HTR3A: variants seen among roughly 807,000 people sequenced by gnomAD.
HTR3A encodes the protein 5-hydroxytryptamine (serotonin) receptor 3A, ionotropic.
HTR3A carries 45 observed loss-of-function variants against 54.8 expected under a neutral mutation model. The ratio of observed to expected loss-of-function variants is 0.82; its 90% CI spans 0.65 to 1.05. The LOEUF (loss-of-function observed/expected upper bound fraction) is 1.05, where lower values mean the gene tolerates loss of function less well. Ranked by LOEUF, HTR3A falls within the 50% of genes least tolerant of loss-of-function variation. HTR3A has a pLI of 0.00. For synonymous variants in HTR3A, 297 were observed against 256.0 expected (o/e 1.16, Z -1.53); for missense variants, 657 against 614.0 (o/e 1.07, Z -0.74).
At chr11:113,980,476 G>A (rs1950408181) in intron 3 of HTR3A, among the ~76,000 whole-genome samples, 1 of 152,236 alleles carries the variant, frequency 6.6e-6, no homozygotes, top group African/African-American at 2.4e-5. Context: ...ACAATGTCCT[G>A]GAGAAGGGAA....
chr11:113,983,361 TC>T (rs1950447786), intron 5 of HTR3A, 72 bp downstream of exon 5: 3 of 1,548,238 alleles, frequency 1.9e-6, no homozygotes, highest in Non-Finnish European at 1.8e-6. Context: ...CGAGGAGTGC[TC>T]CCCAGGGCGC....
In HTR3A at chr11:113,989,509, G is replaced by A. The variant is rs765687656; in HGVS notation, c.1183G>A (p.Glu395Lys). The A allele has an allele frequency of 1.2e-5, 20 of 1,614,104 alleles. No individual in the cohort carries two copies. The highest frequency in any genetic ancestry group is 1.2e-4 in the Admixed American group (7 of 60,020). ...CSHMGGPQDF[E>K]KSPRDRCSPP... ...CCACATGGGAGGACCCCAGGACTTC[G>A]AGAAGAGCCCGAGGGACAGATGTAG... The change falls in exon 9 of 9, where the codon GAG (glutamate) becomes AAG (lysine). Residue 395 changes from glutamate (E) to lysine (K), a missense_variant. Glu to Lys is a moderately conservative substitution (Grantham distance 56, BLOSUM62 1). Transcript: ENST00000504030. This position sits in a 1 kb window ranked among gnomAD's most constrained non-coding sequence, Gnocchi z 4.4.
intron 5 of HTR3A, among the ~76,000 whole-genome samples, chr11:113,984,743 C>T (rs1263372416): frequency 2.0e-5 from 3 of 152,232 alleles, no homozygotes; most frequent in East Asian, 3.9e-4. Context: ...ATGGTGAAAC[C>T]CCGTCTCTAT....
chr11:113,988,583 G>A lies in HTR3A; in HGVS notation c.1139-882G>A, dbSNP rs145240942. Among the ~76,000 whole-genome samples, 221 of 152,250 alleles carry A rather than the reference G, an allele frequency of 1.5e-3. 1 individual carries two copies. The highest frequency in any genetic ancestry group is 4.7e-3 in the Admixed American group (72 of 15,292). On this transcript the variant is annotated intron_variant, in intron 8 of 8. Coordinates refer to ENST00000504030, the MANE Select transcript of HTR3A (RefSeq NM_000869.6). ...GTTCGAGACCAGCCTGACTAACATGGTGAAACCCCATCTCTACTAAAATTA... is the reference window on the plus strand; with the variant it reads ...GTTCGAGACCAGCCTGACTAACATGATGAAACCCCATCTCTACTAAAATTA...
In HTR3A at chr11:113,986,122, T is replaced by C. The variant is rs1457638472; in HGVS notation, c.652T>C (p.Phe218Leu). The C allele has an allele frequency of 1.2e-6, 2 of 1,614,070 alleles. No homozygotes were observed. The highest frequency in any genetic ancestry group is 1.3e-5 in the African/African-American group (1 of 74,932). The change falls in exon 6 of 9, where the codon TTT (phenylalanine) becomes CTT (leucine). Residue 218 changes from phenylalanine (F) to leucine (L), a missense_variant. Physicochemically the swap from Phe to Leu is conservative, Grantham distance 22. Coordinates refer to ENST00000504030, the MANE Select transcript of HTR3A (RefSeq NM_000869.6). ...EWELLGVLPYFREFSMESSNY... is the reference protein window; with the variant it reads ...EWELLGVLPYLREFSMESSNY... ...GGAGTTGCTGGGGGTGCTGCCCTACTTTCGGGAGTTCAGCATGGAAAGCAG... is the reference window on the plus strand; with the variant it reads ...GGAGTTGCTGGGGGTGCTGCCCTACCTTCGGGAGTTCAGCATGGAAAGCAG...
chr11:113,982,991 C>T lies in HTR3A; in HGVS notation c.375-129C>T, dbSNP rs900678852. The T allele has an allele frequency of 2.8e-6, 3 of 1,063,222 alleles. No individual in the cohort carries two copies. In the African/African-American group the frequency reaches 4.7e-5, roughly 17 times the overall value. The allele number at this position is 1,063,222 out of a possible 1,614,324, so 65.9% of individuals were successfully genotyped here. A position where few individuals can be genotyped will look rare whatever the true frequency, so the allele number is the denominator to read the frequency against. On this transcript the variant is annotated intron_variant, in intron 4 of 8. Coordinates refer to ENST00000504030, the MANE Select transcript of HTR3A (RefSeq NM_000869.6). The stretch of plus-strand genomic sequence containing the variant: ...TTGGAAAAACCGAGGCCAGGCAAAA[C>T]ATCCAGGTTATCCGGCTGCCTATAC...
chr11:113,990,011 A>C lies in HTR3A; in HGVS notation c.*248A>C, dbSNP rs775554039. On this transcript the variant is annotated 3_prime_UTR_variant, in exon 9 of 9. Transcript: ENST00000504030. ...ACCCCCAGCAGCTCACCATGGCTTT[A>C]AAACATGCTGTCTTAGATCAGGAGA... is the stretch of plus-strand genomic sequence containing the variant. The C allele has an allele frequency of 1.5e-6, 1 of 671,254 alleles. No homozygotes were observed. The highest frequency in any genetic ancestry group is 2.7e-6 in the Non-Finnish European group (1 of 367,122). 41.6% of individuals were successfully genotyped at this position (671,254 alleles called of 1,614,324 possible). A position where few individuals can be genotyped will look rare whatever the true frequency, so the allele number is the denominator to read the frequency against.
At chr11:113,982,104 A>G (rs899539092) in intron 4 of HTR3A, among the ~76,000 whole-genome samples, 1 of 152,140 alleles carries the variant, frequency 6.6e-6, no homozygotes, top group African/African-American at 2.4e-5. Flanking sequence ...TCCAATACGA[A>G]GTGGGTTCCA....
rs755413148 is a variant in HTR3A at position 113,977,939 on chromosome 11, A to G, written c.219+17A>G. 6.2e-7 allele frequency: 1 copy of G among 1,614,144 alleles called. No individual in the cohort carries two copies. Among genetic ancestry groups the G allele is most frequent in the Non-Finnish European group, 8.5e-7 (1 of 1,180,008 alleles). On this transcript the variant is annotated intron_variant, in intron 2 of 8. Transcript: ENST00000504030. ...CTCAACGTGGTGAGGCTCAGCCCCG[A>G]GCTGCACACAGGCAGACCTTTTGGG...
At chr11:113,981,546 C>T (rs569880486) in intron 4 of HTR3A, among the ~76,000 whole-genome samples, 9 of 152,214 alleles carry the variant, frequency 5.9e-5, no homozygotes, top group East Asian at 1.9e-4. Context: ...TTCCATACTT[C>T]GTAGTCCAGG....
intron 7 of HTR3A, 35 bp from the exon 8 acceptor site, chr11:113,986,790 G>A: frequency 1.2e-6 from 2 of 1,614,040 alleles, no homozygotes; most frequent in Non-Finnish European, 1.7e-6. Flanking sequence ...CCCACCTCCT[G>A]CATGTGTCTC....
chr11:113,983,662 C>A (rs554326004), intron 5 of HTR3A, among the ~76,000 whole-genome samples: 1 of 152,066 alleles, frequency 6.6e-6, no homozygotes, highest in Non-Finnish European at 1.5e-5. Context: ...TGTGAACTGA[C>A]GGCAAGACGC....
intron 1 of HTR3A, among the ~76,000 whole-genome samples, chr11:113,977,150 G>A (rs1420261078): frequency 6.6e-6 from 1 of 152,164 alleles, no homozygotes; most frequent in African/African-American, 2.4e-5. Flanking sequence ...CCCATAGCTT[G>A]TGTGTGCCTG....
rs140304024 is a variant in HTR3A, at chr11:113,988,511, C to T, written c.1139-954C>T. Among the ~76,000 whole-genome samples, 115 of 152,292 alleles carry T rather than the reference C, an allele frequency of 7.6e-4. 1 individual carries two copies. The East Asian group carries it at 0.021, about 28-fold the overall frequency. On this transcript the variant is annotated intron_variant, in intron 8 of 8. Transcript: ENST00000504030. ...GGCACAGTGGCTCATGCCTGTAATC[C>T]CAGCACTTTGGGAGGCCAAGGGGGG...
chr11:113,977,976 G>A, intron 2 of HTR3A, 54 bp downstream of exon 2: 4 of 1,607,542 alleles, frequency 2.5e-6, no homozygotes, highest in Non-Finnish European at 3.4e-6. Context: ...GTGGGAGAAG[G>A]CCATGTGAGA....
chr11:113,978,491 A>G lies in HTR3A; in HGVS notation c.219+569A>G, dbSNP rs2850621. On this transcript the variant is annotated intron_variant, in intron 2 of 8. Transcript: ENST00000504030. ...CAACTTCACAGTGGCTACTAATTTTAGTCTAGTAAAATTACTCTACCAAAA... is the reference window on the plus strand; with the variant it reads ...CAACTTCACAGTGGCTACTAATTTTGGTCTAGTAAAATTACTCTACCAAAA... Among the ~76,000 whole-genome samples the G allele has an allele frequency of 1.3e-5, 2 of 152,244 alleles. 1 individual carries two copies.
rs542113832 is a variant in HTR3A at position 113,983,362 on chromosome 11, C to T, written c.544+73C>T. ...CAGGGACACCTGAGCGAGGAGTGCTCCCCAGGGCGCCTTCTCACGTATCCA... is the reference window on the plus strand; with the variant it reads ...CAGGGACACCTGAGCGAGGAGTGCTTCCCAGGGCGCCTTCTCACGTATCCA... On this transcript the variant is annotated intron_variant, in intron 5 of 8. Coordinates refer to ENST00000504030, the MANE Select transcript of HTR3A (RefSeq NM_000869.6). The T allele has an allele frequency of 5.2e-5, 80 of 1,526,326 alleles. No homozygotes were observed. The African/African-American group carries it at 9.7e-4, about 18-fold the overall frequency. 94.5% of individuals were successfully genotyped at this position (1,526,326 alleles called of 1,614,324 possible).
chr11:113,986,087 AG>A lies in HTR3A; in HGVS notation c.620del (p.Gly207GlufsTer26). On this transcript the variant is annotated frameshift_variant, in exon 6 of 9. Transcript: ENST00000504030. LOFTEE classifies it high-confidence loss of function. ...TCCGACAGGAGTGTCTTCATGAACC[AG>A]GGAGAGTGGGAGTTGCTGGGGGTGC... The part of the protein sequence containing the change: ...VKSDRSVFMN[Q>X]GEWELLGVLP... 2 of 1,614,180 alleles carry A rather than the reference AG, an allele frequency of 1.2e-6. No individual in the cohort carries two copies. The highest frequency in any genetic ancestry group is 1.7e-6 in the Non-Finnish European group (2 of 1,180,016).
At position 113,986,985 on chromosome 11, in the gene HTR3A, G is replaced by T; in HGVS notation, c.1077G>T (p.Glu359Asp). 1 of 1,614,098 alleles carries T rather than the reference G, an allele frequency of 6.2e-7. No homozygotes were observed. The highest frequency in any genetic ancestry group is 8.5e-7 in the Non-Finnish European group (1 of 1,180,032). The change falls in exon 8 of 9, where the codon GAG becomes GAT. Residue 359 changes from glutamate (E) to aspartate (D), a missense_variant. Transcript: ENST00000504030. The stretch of plus-strand genomic sequence containing the variant: ...TCGCCTGGCTACTTTGCCTGAGGGA[G>T]CAGTCAACTTCCCAGAGGCCCCCAG... ...ERIAWLLCLR[E>D]QSTSQRPPAT...
Sources: gnomAD v4.1 joint callset for allele counts (sites outside exome capture counted in the v4.1 genomes callset) on GRCh38, gnomAD v4.1.1 for gene constraint, Gnocchi (gnomAD v3.1) non-coding constraint, MANE v1.5 for transcripts, NCBI Gene and HGNC (gene_info 2026-07-23, HGNC 2026-07-21) for gene names.